Variants in ROBO1 observed in about 807,000 individuals in gnomAD.
ROBO1 encodes the protein roundabout guidance receptor 1, also known as roundabout homolog 1.
ROBO1 carries 149 observed loss-of-function variants against 195.9 expected under a neutral mutation model. That is an observed-to-expected ratio of 0.76 (90% confidence interval 0.67 to 0.87). The LOEUF is 0.87. Among genes scored for constraint, ROBO1 ranks in the 40% least tolerant of loss-of-function variants. The pLI is 0.00. For synonymous variants in ROBO1, 816 were observed against 733.2 expected, an observed-to-expected ratio of 1.11 and a Z score of -1.82; for missense variants, 1,933 against 2,068.3, an observed-to-expected ratio of 0.93 and a Z score of 1.27.
chr3:79,425,352 G>A (rs777679023), intron 2 of ROBO1, among the ~76,000 whole-genome samples: 8 of 152,024 alleles, frequency 5.3e-5, no homozygotes, highest in Admixed American at 3.3e-4. Context: ...AAAAATAACC[G>A]TAGTTCAGGT....
intron 4 of ROBO1, among the ~76,000 whole-genome samples, chr3:78,896,017 A>T (rs1311449226): frequency 6.6e-6 from 1 of 152,222 alleles, no homozygotes; most frequent in Non-Finnish European, 1.5e-5. Context: ...ACATATCATC[A>T]ACTACACAAG....
chr3:78,719,708 G>C (rs189221876), intron 5 of ROBO1, among the ~76,000 whole-genome samples: 1 of 152,172 alleles, frequency 6.6e-6, no homozygotes, highest in Admixed American at 6.5e-5. Context: ...TAACATTTGG[G>C]TTTACTACAT....
intron 3 of ROBO1, among the ~76,000 whole-genome samples, chr3:79,100,386 A>G (rs1369405612): frequency 6.6e-6 from 1 of 151,558 alleles, no homozygotes; most frequent in Non-Finnish European, 1.5e-5. Flanking sequence ...CCTTACCCAA[A>G]CCTTATTCTT....
chr3:78,711,398 C>CCTTCCTTT (rs2081724186), intron 8 of ROBO1, among the ~76,000 whole-genome samples: 8 of 39,948 alleles, frequency 2.0e-4, no homozygotes, highest in East Asian at 5.6e-4. Flanking sequence ...TTCCTTCCTT[C>CCTTCCTTT]CTTTCTTTCT....
At chr3:78,751,767 A>G (rs1481805208) in intron 4 of ROBO1, among the ~76,000 whole-genome samples, 3 of 152,168 alleles carry the variant, frequency 2.0e-5, no homozygotes, top group Admixed American at 2.0e-4. Context: ...TTCATTATTC[A>G]TAACACATAT....
intron 4 of ROBO1, among the ~76,000 whole-genome samples, chr3:78,756,453 G>A (rs1053700609): frequency 5.9e-5 from 9 of 152,128 alleles, no homozygotes; most frequent in African/African-American, 9.7e-5. Context: ...TTTCACATAT[G>A]TAAAGCATAT....
intron 5 of ROBO1, among the ~76,000 whole-genome samples, chr3:78,731,646 A>G (rs748508006): frequency 3.3e-5 from 5 of 152,122 alleles, no homozygotes; most frequent in Non-Finnish European, 5.9e-5. Context: ...AAAATGCTGA[A>G]TATCTTCAAA....
At chr3:79,315,213 G>A (rs888684663) in intron 2 of ROBO1, among the ~76,000 whole-genome samples, 1 of 152,134 alleles carries the variant, frequency 6.6e-6, no homozygotes, top group Non-Finnish European at 1.5e-5. Flanking sequence ...AGGCTGAGGT[G>A]GGAGGATCCC....
chr3:78,785,604 A>C (rs1393301508), intron 4 of ROBO1, among the ~76,000 whole-genome samples: 1 of 152,132 alleles, frequency 6.6e-6, no homozygotes, highest in South Asian at 2.1e-4. Flanking sequence ...ATTCCTTCTT[A>C]ACTGAAGATA....
At chr3:78,831,453 T>G (rs777753319) in intron 4 of ROBO1, among the ~76,000 whole-genome samples, 1 of 152,188 alleles carries the variant, frequency 6.6e-6, no homozygotes, top group African/African-American at 2.4e-5. Flanking sequence ...GTCAGAGATA[T>G]TAAATGAATT....
intron 3 of ROBO1, among the ~76,000 whole-genome samples, chr3:79,016,162 G>A (rs891106314): frequency 1.3e-5 from 2 of 152,194 alleles, no homozygotes; most frequent in Admixed American, 6.5e-5. Flanking sequence ...CTTGAGTTCT[G>A]TGAAGTATTA....
At position 78,639,724 on chromosome 3, in the gene ROBO1, GCTCT is replaced by G. The variant is rs1356674518; in HGVS notation, c.3037+16_3037+19del. 2.5e-6 allele frequency: 4 copies of G among 1,604,180 alleles called. No homozygotes were observed. In the Admixed American group the frequency reaches 5.1e-5, roughly 20 times the overall value. On this transcript the variant is annotated intron_variant, in intron 22 of 30. Transcript: ENST00000464233. The stretch of plus-strand genomic sequence containing the variant: ...TCCTTAAAAAGCTTATACATATCAG[GCTCT>G]CTCTGTGTCCCTAACCTGGGCGACT...
intron 5 of ROBO1, among the ~76,000 whole-genome samples, chr3:78,737,903 T>C (rs1229941653): frequency 1.3e-5 from 2 of 152,176 alleles, no homozygotes; most frequent in Non-Finnish European, 2.9e-5. Flanking sequence ...CAGGTTTCCT[T>C]TGACCTTCAC....
intron 1 of ROBO1, among the ~76,000 whole-genome samples, chr3:79,614,530 G>A (rs766990430): frequency 8.6e-5 from 13 of 151,938 alleles, no homozygotes; most frequent in Non-Finnish European, 1.3e-4. Context: ...ATGATATTTG[G>A]TCAATGTATA....
chr3:79,752,238 G>C (rs1704159240), intron 1 of ROBO1, among the ~76,000 whole-genome samples: 1 of 152,108 alleles, frequency 6.6e-6, no homozygotes, highest in Admixed American at 6.6e-5. Context: ...AGAGTACTTG[G>C]TAATTCCACT....
chr3:79,127,822 C>T (rs191547026), intron 2 of ROBO1, among the ~76,000 whole-genome samples: 5 of 152,300 alleles, frequency 3.3e-5, no homozygotes. Flanking sequence ...TCTGTTCCTA[C>T]TCATCACCTT....
Position 79,685,224 on chromosome 3 carries a change from T to A in ROBO1, c.-51+82528A>T, listed in dbSNP as rs149320109. On this transcript the variant is annotated intron_variant, in intron 1 of 30. Coordinates refer to ENST00000464233, the MANE Select transcript of ROBO1 (RefSeq NM_002941.4). The stretch of plus-strand genomic sequence containing the variant: ...CCATGTATCAGTAAATCTACCAGCC[T>A]TTTCTGAGGGCCTCTGTGTGCATGT... Among the ~76,000 whole-genome samples, 104 of 152,274 alleles carry A rather than the reference T, an allele frequency of 6.8e-4. 1 individual carries two copies. Among genetic ancestry groups the A allele is most frequent in the Non-Finnish European group, 1.4e-3 (98 of 68,026 alleles).
intron 8 of ROBO1, among the ~76,000 whole-genome samples, chr3:78,700,233 T>C (rs2081389285): frequency 1.3e-5 from 2 of 152,320 alleles, no homozygotes; most frequent in South Asian, 4.1e-4. Context: ...ATTCTGCTGA[T>C]ACTATAGATA....
rs145218634 is a variant in ROBO1, at chr3:79,343,710, T to G, written c.89-218171A>C. On this transcript the variant is annotated intron_variant, in intron 2 of 30. Transcript: ENST00000464233. ...GTCCTATACATAGGTTTCCCCTAAT[T>G]TAAGTGGGAGAAGAAGAAAATTTGC... is the stretch of plus-strand genomic sequence containing the variant. Among the ~76,000 whole-genome samples, 343 of 119,766 alleles carry G rather than the reference T, an allele frequency of 2.9e-3. 2 individuals carry two copies. The highest frequency in any genetic ancestry group is 0.018 in the African/African-American group (321 of 17,770). The allele number at this position is 119,766 out of a possible 152,430, so 78.6% of individuals were successfully genotyped here. A position where few individuals can be genotyped will look rare whatever the true frequency, so the allele number is the denominator to read the frequency against.
Sources: allele counts gnomAD v4.1 joint callset (sites outside exome capture counted in the v4.1 genomes callset), GRCh38; gene constraint gnomAD v4.1.1; transcripts MANE v1.5; gene names NCBI Gene and HGNC (gene_info 2026-07-23, HGNC 2026-07-21).